The following AGBL4 variants were observed in gnomAD, a reference collection of about 807,000 sequenced individuals.
AGBL4 encodes cytosolic carboxypeptidase 6.
A neutral mutation model predicts 66.4 loss-of-function variants in AGBL4; 58 were observed. That is an observed-to-expected ratio of 0.87 (90% CI 0.71 to 1.09). The LOEUF is 1.09. AGBL4 is among the 50% of genes least tolerant of loss of function. The pLI is 0.00. For missense variants in AGBL4, 579 were observed against 631.0 expected (o/e 0.92, Z 0.88); for synonymous variants, 234 against 222.9 (o/e 1.05, Z -0.44).
chr1:49,213,687 T>A (rs776417403), intron 4 of AGBL4, among the ~76,000 whole-genome samples: 1 of 152,134 alleles, frequency 6.6e-6, no homozygotes, highest in African/African-American at 2.4e-5. Flanking sequence ...TATTTCTTTA[T>A]AACAATGCAA....
At chr1:48,675,960 G>T (rs1646358264) in intron 6 of AGBL4, among the ~76,000 whole-genome samples, 1 of 152,208 alleles carries the variant, frequency 6.6e-6, no homozygotes, top group Non-Finnish European at 1.5e-5. Flanking sequence ...TTAATTCACA[G>T]GATATGTTTC....
At chr1:49,878,589 C>T (rs1306439457) in intron 1 of AGBL4, among the ~76,000 whole-genome samples, 6 of 151,942 alleles carry the variant, frequency 3.9e-5, no homozygotes, top group Non-Finnish European at 8.8e-5. Context: ...ACTATGTGGT[C>T]AATTTTGGAA....
intron 6 of AGBL4, among the ~76,000 whole-genome samples, chr1:48,691,607 A>ATC (rs1041214752): frequency 2.0e-5 from 3 of 151,928 alleles, no homozygotes; most frequent in African/African-American, 7.3e-5. Flanking sequence ...ACCTCTGAGT[A>ATC]TCTCCTCCCT....
chr1:49,499,738 T>C (rs1343938722), intron 3 of AGBL4, among the ~76,000 whole-genome samples: 1 of 151,804 alleles, frequency 6.6e-6, no homozygotes, highest in African/African-American at 2.4e-5. Context: ...TATATATATA[T>C]ATACACACAT....
rs529637313 is a variant in AGBL4 at position 49,796,358 on chromosome 1, G to A, written c.157+55038C>T. ...AAGTTCAGTATCCTCCAAAAATGAGGAGAAATGAAGACAAAAAAATGTATG... is the reference window on the plus strand; with the variant it reads ...AAGTTCAGTATCCTCCAAAAATGAGAAGAAATGAAGACAAAAAAATGTATG... On this transcript the variant is annotated intron_variant, in intron 2 of 13. Transcript: ENST00000371839. Among the ~76,000 whole-genome samples the A allele has an allele frequency of 1.8e-3, 272 of 151,504 alleles. 1 individual carries two copies. Among genetic ancestry groups the A allele is most frequent in the Non-Finnish European group, 2.3e-3 (158 of 67,716 alleles).
intron 6 of AGBL4, among the ~76,000 whole-genome samples, chr1:48,703,402 C>T (rs571271784): frequency 6.6e-6 from 1 of 151,900 alleles, no homozygotes; most frequent in Non-Finnish European, 1.5e-5. Flanking sequence ...TCAACGAATG[C>T]AGAAAAAGAG....
chr1:48,970,208 T>C (rs1371357030), intron 5 of AGBL4, among the ~76,000 whole-genome samples: 2 of 152,172 alleles, frequency 1.3e-5, no homozygotes, highest in Non-Finnish European at 2.9e-5. Flanking sequence ...GCAAATGTGG[T>C]GCCTTGGAAA....
intron 1 of AGBL4, among the ~76,000 whole-genome samples, chr1:50,012,032 G>A (rs905243810): frequency 6.6e-6 from 1 of 152,082 alleles, no homozygotes; most frequent in Admixed American, 6.5e-5. Flanking sequence ...GGTGGCGGGC[G>A]CCTGTAGTCC....
intron 4 of AGBL4, among the ~76,000 whole-genome samples, chr1:49,115,969 T>C: frequency 6.6e-6 from 1 of 152,156 alleles, no homozygotes; most frequent in East Asian, 1.9e-4. Context: ...GATGCTACTG[T>C]GTGGAAAAAT....
rs144178911 is a variant in AGBL4 at position 48,648,434 on chromosome 1, T to C, written c.839+4903A>G. On this transcript the variant is annotated intron_variant, in intron 8 of 13. Transcript: ENST00000371839. ...CGCGCTTCTACTAAATGATGGAAGG[T>C]GCCTTTCATCCCACTTCCCTCTTCC... Among the ~76,000 whole-genome samples the C allele has an allele frequency of 6.9e-3, 1,054 of 152,318 alleles. 3 individuals carry two copies. The highest frequency in any genetic ancestry group is 0.014 in the Admixed American group (208 of 15,294).
chr1:49,635,030 C>G (rs1479008537), intron 3 of AGBL4, among the ~76,000 whole-genome samples: 1 of 152,140 alleles, frequency 6.6e-6, no homozygotes, highest in Non-Finnish European at 1.5e-5. Flanking sequence ...TCTTATGATT[C>G]TGGATTCAGG....
chr1:48,760,231 T>C (rs1644182761), intron 6 of AGBL4, among the ~76,000 whole-genome samples: 1 of 152,202 alleles, frequency 6.6e-6, no homozygotes, highest in Non-Finnish European at 1.5e-5. Context: ...CTCAAGTAGC[T>C]ACAGCTTCTA....
At chr1:49,599,388 C>A (rs770827520) in intron 3 of AGBL4, among the ~76,000 whole-genome samples, 1 of 152,148 alleles carries the variant, frequency 6.6e-6, no homozygotes, top group Non-Finnish European at 1.5e-5. Flanking sequence ...AGTGTATTTG[C>A]GTAGAGGTGT....
At chr1:49,495,516 T>A (rs1450957636) in intron 3 of AGBL4, among the ~76,000 whole-genome samples, 1 of 151,738 alleles carries the variant, frequency 6.6e-6, no homozygotes, top group Admixed American at 6.6e-5. Flanking sequence ...CGTCTCTGCC[T>A]CATGTGTGGA....
At chr1:48,941,263 T>A (rs1469770226) in intron 5 of AGBL4, among the ~76,000 whole-genome samples, 1 of 152,224 alleles carries the variant, frequency 6.6e-6, no homozygotes, top group Non-Finnish European at 1.5e-5. Flanking sequence ...TGTAACACTT[T>A]GGAACCCAAG....
intron 5 of AGBL4, among the ~76,000 whole-genome samples, chr1:48,879,319 G>C (rs761109914): frequency 6.6e-6 from 1 of 151,894 alleles, no homozygotes; most frequent in Non-Finnish European, 1.5e-5. Flanking sequence ...AAGCATACTC[G>C]CTTGTGTTTA....
intron 1 of AGBL4, among the ~76,000 whole-genome samples, chr1:49,915,860 C>A (rs147329550): frequency 0.011 from 1,713 of 152,220 alleles, 13 homozygotes; most frequent in Non-Finnish European, 0.018. Context: ...ACACCTCACA[C>A]GGCCAGGTAC....
At chr1:49,791,030 T>C (rs12076547) in intron 2 of AGBL4, among the ~76,000 whole-genome samples, 3,053 of 152,232 alleles carry the variant, frequency 0.02, 118 homozygotes, top group African/African-American at 0.07. Context: ...TAGACTGTTA[T>C]AAGGTTTTTA....
chr1:48,650,938 C>G (rs1249612406), intron 8 of AGBL4, among the ~76,000 whole-genome samples: 2 of 152,330 alleles, frequency 1.3e-5, no homozygotes, highest in South Asian at 2.1e-4. Context: ...TATTTCCCCC[C>G]ATAATGCCTT....
Sources: gnomAD v4.1 joint callset for allele counts (sites outside exome capture counted in the v4.1 genomes callset) on GRCh38, gnomAD v4.1.1 for gene constraint, MANE v1.5 for transcripts, NCBI Gene and HGNC (gene_info 2026-07-23, HGNC 2026-07-21) for gene names.